The following TNRC6B variants were observed in gnomAD, a reference collection of about 807,000 sequenced individuals.
TNRC6B encodes trinucleotide repeat containing adaptor 6B.
In TNRC6B, 52 loss-of-function variants were observed where a neutral mutation model predicts 203.6. The observed-to-expected ratio is 0.26, with a 90% CI of 0.20 to 0.32. The LOEUF is 0.32. TNRC6B is among the 10% of genes least tolerant of loss of function. The pLI, the probability that TNRC6B is intolerant of heterozygous loss-of-function variation, is 1.00. For synonymous variants in TNRC6B, 838 were observed against 845.7 expected (o/e 0.99, Z 0.16); for missense variants, 1,923 against 2,286.2 (o/e 0.84, Z 3.24).
chr22:40,150,840 A>G (rs1480425687), intron 3 of TNRC6B, among the ~76,000 whole-genome samples: 3 of 152,158 alleles, frequency 2.0e-5, no homozygotes, highest in Non-Finnish European at 4.4e-5. Flanking sequence ...ATGAGGATGT[A>G]TAGCTGTAGG....
At chr22:40,107,248 CT>C (rs1242372176) in intron 1 of TNRC6B, among the ~76,000 whole-genome samples, 1 of 152,112 alleles carries the variant, frequency 6.6e-6, no homozygotes, top group East Asian at 1.9e-4. Flanking sequence ...TATTATTTAT[CT>C]TTCACATTTG....
chr22:40,187,442 A>C (rs906798637), intron 1 of TNRC6B, among the ~76,000 whole-genome samples: 5 of 152,172 alleles, frequency 3.3e-5, no homozygotes, highest in Admixed American at 1.3e-4. Context: ...CATTGGTAGA[A>C]GTTCCTAAAC....
At chr22:40,320,950 T>C (rs1389211814) in intron 21 of TNRC6B, 140 bp from the exon 22 acceptor site, 7 of 904,182 alleles carry the variant, frequency 7.7e-6, no homozygotes, top group African/African-American at 1.7e-5. Context: ...CTGAATCATA[T>C]GCTTTTGTTT....
At chr22:40,264,652 T>TAATGGGTAA (rs1337964568) in intron 4 of TNRC6B, 36 bp from the exon 5 acceptor site, 2 of 1,539,700 alleles carry the variant, frequency 1.3e-6, no homozygotes, top group East Asian at 4.5e-5. Context: ...ATGAATGCAT[T>TAATGGGTAA]TGAAGCTGTG....
chr22:40,098,714 AT>A (rs1490171521), intron 1 of TNRC6B, among the ~76,000 whole-genome samples: 2 of 151,794 alleles, frequency 1.3e-5, no homozygotes, highest in African/African-American at 2.4e-5. Flanking sequence ...CTACTGTCAT[AT>A]TTCTTTAATT....
chr22:40,090,589 C>T (rs2146296567), intron 1 of TNRC6B, among the ~76,000 whole-genome samples: 1 of 152,084 alleles, frequency 6.6e-6, no homozygotes, highest in East Asian at 1.9e-4. Flanking sequence ...GGATAACAGT[C>T]CTTTATCAGA....
Position 40,277,145 on chromosome 22 carries a change from A to C in TNRC6B, c.3210A>C (p.Gly1070=), listed in dbSNP as rs1043756355. ...NPLAKQFSNM[G]LLSQTEDNPS... is the part of the protein sequence containing the mutation. ...TTGCCAAACAGTTTTCAAATATGGG[A>C]TTGCTGGTAAGTTTTATTTTTTTCA... Residue 1070 remains glycine (G), a synonymous_variant, in exon 8 of 23, where the codon GGA becomes GGC. Coordinates refer to ENST00000454349, the MANE Select transcript of TNRC6B (RefSeq NM_001162501.2). 1.9e-6 allele frequency: 3 copies of C among 1,606,512 alleles called. No individual in the cohort carries two copies. The highest frequency in any genetic ancestry group is 2.5e-6 in the Non-Finnish European group (3 of 1,177,284).
intron 1 of TNRC6B, among the ~76,000 whole-genome samples, chr22:40,110,229 A>T (rs1452672819): frequency 2.6e-5 from 4 of 152,234 alleles, no homozygotes; most frequent in South Asian, 2.1e-4. Flanking sequence ...ATTGTGATTT[A>T]TGAATATAAT....
chr22:40,092,173 C>T (rs764140121), intron 1 of TNRC6B, among the ~76,000 whole-genome samples: 1 of 152,102 alleles, frequency 6.6e-6, no homozygotes, highest in Non-Finnish European at 1.5e-5. Context: ...GAGGCCGAGG[C>T]AGCTGGATCA....
chr22:40,197,387 C>G (rs1201682467), intron 1 of TNRC6B, among the ~76,000 whole-genome samples: 2 of 151,916 alleles, frequency 1.3e-5, no homozygotes, highest in Non-Finnish European at 2.9e-5. Flanking sequence ...CGGGTTCAAG[C>G]GATTCTCCTG....
chr22:40,185,553 A>G (rs2069190056), intron 1 of TNRC6B, among the ~76,000 whole-genome samples: 1 of 152,148 alleles, frequency 6.6e-6, no homozygotes, highest in Non-Finnish European at 1.5e-5. Flanking sequence ...ATTGGGCAGA[A>G]TGGTGGTGAG....
rs544127075 is a variant in TNRC6B at position 40,182,137 on chromosome 22, C to G, written c.5+3997C>G. On this transcript the variant is annotated intron_variant, in intron 1 of 22. Coordinates refer to ENST00000454349, the MANE Select transcript of TNRC6B (RefSeq NM_001162501.2). ...GCGCCTGCCTGTAATCCCAGCTACT[C>G]GGGAGGCTGAGGCAGGAGAATCGTT... is the stretch of plus-strand genomic sequence containing the variant. 4.4e-3 allele frequency among the ~76,000 whole-genome samples: 670 copies of G among 151,702 alleles called. 7 individuals carry two copies. Among genetic ancestry groups the G allele is most frequent in the Non-Finnish European group, 8.9e-3 (604 of 67,902 alleles).
intron 1 of TNRC6B, among the ~76,000 whole-genome samples, chr22:40,116,508 G>A (rs1322170691): frequency 6.6e-6 from 1 of 152,174 alleles, no homozygotes; most frequent in Non-Finnish European, 1.5e-5. Flanking sequence ...TGAAGAGACT[G>A]TTCCAGCCAT....
intron 3 of TNRC6B, among the ~76,000 whole-genome samples, chr22:40,133,368 G>A (rs2068570020): frequency 2.0e-5 from 3 of 151,838 alleles, no homozygotes; most frequent in South Asian, 4.1e-4. Flanking sequence ...CATTTATTGG[G>A]CACCTACTAG....
At chr22:40,320,802 T>C (rs559546322) in intron 21 of TNRC6B, among the ~76,000 whole-genome samples, 1 of 152,356 alleles carries the variant, frequency 6.6e-6, no homozygotes, top group Non-Finnish European at 1.5e-5. Context: ...TGTGTCTTTC[T>C]CTTTACAGAG....
upstream of TNRC6B, among the ~76,000 whole-genome samples, chr22:40,177,096 A>G (rs982322408): frequency 2.0e-5 from 3 of 152,160 alleles, no homozygotes; most frequent in African/African-American, 7.2e-5. Flanking sequence ...TTAAGTGGGT[A>G]GGAGTGGAGA....
chr22:40,312,617 T>C lies in TNRC6B; in HGVS notation c.4548T>C (p.Asp1516=). 1.2e-6 allele frequency: 2 copies of C among 1,613,524 alleles called. No individual in the cohort carries two copies. Among genetic ancestry groups the C allele is most frequent in the African/African-American group, 1.3e-5 (1 of 75,016 alleles). Residue 1516 remains aspartate, a synonymous_variant, in exon 18 of 23, where the codon GAT becomes GAC. Transcript: ENST00000454349. ...LGGTATSPIV[D]TDHQLLRDNT... is the part of the protein sequence containing the mutation. ...GTACAGCCACATCTCCCATTGTAGA[T>C]ACTGACCACCAACTGCTGCGGGATA... is the stretch of plus-strand genomic sequence containing the variant.
intron 19 of TNRC6B, among the ~76,000 whole-genome samples, chr22:40,314,376 TC>T (rs2071228556): frequency 6.6e-6 from 1 of 152,210 alleles, no homozygotes; most frequent in Non-Finnish European, 1.5e-5. Flanking sequence ...TTCCTTCTGT[TC>T]CATTCTATTT....
At chr22:40,174,324 C>T (rs560840327), upstream of TNRC6B, among the ~76,000 whole-genome samples, 1 of 152,070 alleles carries the variant, frequency 6.6e-6, no homozygotes, top group African/African-American at 2.4e-5. Flanking sequence ...GGACTACAGG[C>T]GTGTGCCACC....
Sources: allele counts gnomAD v4.1 joint callset (sites outside exome capture counted in the v4.1 genomes callset), GRCh38; gene constraint gnomAD v4.1.1; transcripts MANE v1.5; gene names NCBI Gene and HGNC (gene_info 2026-07-23, HGNC 2026-07-21).